SPARCL1: variants seen among roughly 807,000 people sequenced by gnomAD.
SPARCL1 encodes SPARC-like protein 1.
A neutral mutation model predicts 67.1 loss-of-function variants in SPARCL1; 52 were observed. The observed-to-expected ratio is 0.78, with a 90% CI of 0.62 to 0.98. The LOEUF (loss-of-function observed/expected upper bound fraction) is 0.98, where lower values mean the gene tolerates loss of function less well. Ranked by LOEUF, SPARCL1 falls within the 50% of genes least tolerant of loss-of-function variation. The pLI is 0.00. For missense variants in SPARCL1, 717 were observed against 782.4 expected, an observed-to-expected ratio of 0.92 and a Z score of 1.00; for synonymous variants, 226 against 267.8, an observed-to-expected ratio of 0.84 and a Z score of 1.52.
At chr4:87,499,816 ATC>A (rs1208993087) in intron 1 of SPARCL1, among the ~76,000 whole-genome samples, 2 of 152,180 alleles carry the variant, frequency 1.3e-5, no homozygotes, top group East Asian at 3.8e-4. Flanking sequence ...GGCAGAACCT[ATC>A]TCTGTTTATG....
intron 1 of SPARCL1, among the ~76,000 whole-genome samples, chr4:87,509,373 A>G (rs1725253453): frequency 1.3e-5 from 2 of 152,178 alleles, no homozygotes; most frequent in African/African-American, 4.8e-5. Context: ...CACAGCTAGG[A>G]AGTGGCACAG....
rs374399808 is a variant in SPARCL1 at position 87,494,223 on chromosome 4, G to T, written c.577C>A (p.Gln193Lys). ...QGLRDQGNQE[Q>K]DPNISNGEEE... Reference sequence around the variant, plus strand: ...TCTCCATTGGAAATATTTGGATCCTGCTCTTGGTTTCCTTGATCCCTTAGG... The same window carrying T: ...TCTCCATTGGAAATATTTGGATCCTTCTCTTGGTTTCCTTGATCCCTTAGG... The change falls in exon 4 of 11, where the codon CAG becomes AAG. Residue 193 changes from glutamine to lysine, a missense_variant. Physicochemically the swap from Gln to Lys is moderately conservative, Grantham distance 53 (BLOSUM62 1). Coordinates refer to ENST00000282470, the MANE Select transcript of SPARCL1 (RefSeq NM_004684.6). 7 of 1,614,024 alleles carry T rather than the reference G, an allele frequency of 4.3e-6. No individual in the cohort carries two copies. The South Asian group carries it at 7.7e-5, about 18-fold the overall frequency.
intron 1 of SPARCL1, among the ~76,000 whole-genome samples, chr4:87,528,404 G>C (rs1726139604): frequency 6.6e-6 from 1 of 152,006 alleles, no homozygotes; most frequent in African/African-American, 2.4e-5. Context: ...AGAAATTTTA[G>C]GTCTATGTGT....
At chr4:87,521,997 T>C (rs1239791719) in intron 1 of SPARCL1, among the ~76,000 whole-genome samples, 1 of 152,220 alleles carries the variant, frequency 6.6e-6, no homozygotes, top group South Asian at 2.1e-4. Context: ...TGTTTTTACA[T>C]AATAGTCAAA....
At chr4:87,525,394 T>C (rs1241888637) in intron 1 of SPARCL1, among the ~76,000 whole-genome samples, 1 of 152,116 alleles carries the variant, frequency 6.6e-6, no homozygotes, top group African/African-American at 2.4e-5. Context: ...TTAAAACAAC[T>C]AGAAGGTATG....
chr4:87,524,483 A>G (rs57574310), intron 1 of SPARCL1, among the ~76,000 whole-genome samples: 2,198 of 152,310 alleles, frequency 0.014, 48 homozygotes, highest in African/African-American at 0.05. Context: ...TCAGGACAGG[A>G]CCTTCAGGCT....
intron 1 of SPARCL1, among the ~76,000 whole-genome samples, chr4:87,519,541 A>C (rs1725719864): frequency 6.6e-6 from 1 of 152,182 alleles, no homozygotes; most frequent in Non-Finnish European, 1.5e-5. Context: ...CTAAGTTTTG[A>C]AAAAGATAAC....
At chr4:87,482,669 G>T in intron 7 of SPARCL1, 109 bp from the exon 8 acceptor site, 1 of 1,240,928 alleles carries the variant, frequency 8.1e-7, no homozygotes, top group East Asian at 2.4e-5. Flanking sequence ...AGCTTTCTCA[G>T]GTCCCCATTA....
intron 1 of SPARCL1, among the ~76,000 whole-genome samples, chr4:87,506,230 A>G (rs1237960622): frequency 1.3e-5 from 2 of 152,198 alleles, no homozygotes; most frequent in African/African-American, 4.8e-5. Flanking sequence ...AACATTTGCC[A>G]TCTATATGAT....
At chr4:87,512,160 G>T (rs1725391467) in intron 1 of SPARCL1, among the ~76,000 whole-genome samples, 1 of 151,746 alleles carries the variant, frequency 6.6e-6, no homozygotes, top group Non-Finnish European at 1.5e-5. Flanking sequence ...AGAGATGGGG[G>T]TTTCACCATG....
chr4:87,528,966 T>C (rs1490122642), intron 1 of SPARCL1, 79 bp downstream of exon 1: 1 of 152,182 alleles, frequency 6.6e-6, no homozygotes, highest in African/African-American at 2.4e-5. Flanking sequence ...TAGGCAAAAA[T>C]ATTTGACAGC....
At chr4:87,497,581 A>G (rs1724672914) in intron 2 of SPARCL1, among the ~76,000 whole-genome samples, 1 of 152,232 alleles carries the variant, frequency 6.6e-6, no homozygotes. Context: ...ATCCATTTTC[A>G]TCTGGAGAAT....
At chr4:87,524,791 G>C (rs1725972448) in intron 1 of SPARCL1, among the ~76,000 whole-genome samples, 1 of 152,116 alleles carries the variant, frequency 6.6e-6, no homozygotes, top group African/African-American at 2.4e-5. Context: ...GAACCTTGCT[G>C]TTTCAATAAC....
chr4:87,503,851 G>T (rs1015139269), intron 1 of SPARCL1, among the ~76,000 whole-genome samples: 1 of 151,308 alleles, frequency 6.6e-6, no homozygotes, highest in Admixed American at 6.6e-5. Flanking sequence ...GCTAATTTTT[G>T]TATTTTTAGT....
At chr4:87,477,090 A>G (rs1723613365) in intron 10 of SPARCL1, among the ~76,000 whole-genome samples, 1 of 152,220 alleles carries the variant, frequency 6.6e-6, no homozygotes, top group South Asian at 2.1e-4. Flanking sequence ...TTTGTAAATG[A>G]CTGGATTTTA....
chr4:87,528,139 GT>G (rs1472255805), intron 1 of SPARCL1: 1 of 152,048 alleles, frequency 6.6e-6, no homozygotes, highest in East Asian at 1.9e-4. Context: ...TTGGTGTACT[GT>G]TTCAACAGTA....
chr4:87,496,233 A>C (rs1402697281), intron 2 of SPARCL1, among the ~76,000 whole-genome samples: 1 of 152,118 alleles, frequency 6.6e-6, no homozygotes, highest in African/African-American at 2.4e-5. Flanking sequence ...TCATTATATT[A>C]ATTTTTAATT....
At chr4:87,508,658 G>C (rs1725211874) in intron 1 of SPARCL1, among the ~76,000 whole-genome samples, 1 of 151,788 alleles carries the variant, frequency 6.6e-6, no homozygotes, top group Non-Finnish European at 1.5e-5. Flanking sequence ...TAAAAAAATA[G>C]AAGATTAGAG....
chr4:87,501,391 T>C (rs1478047468), intron 1 of SPARCL1, among the ~76,000 whole-genome samples: 1 of 152,180 alleles, frequency 6.6e-6, no homozygotes, highest in African/African-American at 2.4e-5. Context: ...ATAAGTTTCT[T>C]GAGAAACCAC....
Sources: gnomAD v4.1 joint callset for allele counts (sites outside exome capture counted in the v4.1 genomes callset) on GRCh38, gnomAD v4.1.1 for gene constraint, MANE v1.5 for transcripts, NCBI Gene and HGNC (gene_info 2026-07-23, HGNC 2026-07-21) for gene names.